Variants in RIPOR1 observed in about 807,000 individuals in gnomAD.
RIPOR1 encodes the protein RHO family interacting cell polarization regulator 1, also known as rho family-interacting cell polarization regulator 1.
A neutral mutation model predicts 116.5 loss-of-function variants in RIPOR1; 58 were observed. The ratio of observed to expected loss-of-function variants is 0.50; its 90% CI spans 0.40 to 0.62. The LOEUF (loss-of-function observed/expected upper bound fraction) is 0.62, where lower values mean the gene tolerates loss of function less well. Ranked by LOEUF, RIPOR1 falls within the 20% of genes least tolerant of loss-of-function variation. The pLI is 0.00. For synonymous variants in RIPOR1, 605 were observed against 650.0 expected (o/e 0.93, Z 1.05); for missense variants, 1,372 against 1,586.2 (o/e 0.86, Z 2.29).
chr16:67,545,368 T>C lies in RIPOR1; in HGVS notation c.3032-8T>C. On this transcript the variant is annotated splice_region_variant and splice_polypyrimidine_tract_variant and intron_variant, in intron 17 of 21. Coordinates refer to ENST00000042381, the MANE Select transcript of RIPOR1 (RefSeq NM_024519.4). This position sits in a 1 kb window ranked among gnomAD's most constrained non-coding sequence, Gnocchi z 4.8. ...AAACTCTGAGGCCCATGCTACTGCC[T>C]CCTGCAGTGTGTGTGAAGTTCCTGG... 1 of 1,613,442 alleles carries C rather than the reference T, an allele frequency of 6.2e-7. No homozygotes were observed. The highest frequency in any genetic ancestry group is 8.5e-7 in the Non-Finnish European group (1 of 1,179,734).
In RIPOR1 at chr16:67,529,193, G is replaced by A. The variant is rs1597616680; in HGVS notation, c.-24+279G>A. Among the ~76,000 whole-genome samples the A allele has an allele frequency of 6.6e-6, 1 of 152,334 alleles. No homozygotes were observed. The highest frequency in any genetic ancestry group is 1.9e-4 in the East Asian group (1 of 5,170). ...AGGCCCTGGCGGCCGGTGCCCCGGG[G>A]CGCTGGGATGGGCCAGGCCAGAGAG... On this transcript the variant is annotated intron_variant, in intron 1 of 21. Transcript: ENST00000042381. The surrounding 1 kb of genome is among the most constrained non-coding windows in gnomAD (Gnocchi z 4.1).
intron 1 of RIPOR1, among the ~76,000 whole-genome samples, chr16:67,536,239 G>T (rs1188596165): frequency 6.6e-6 from 1 of 152,206 alleles, no homozygotes. Flanking sequence ...CTTGAGGTCA[G>T]GGGTTCAAGA....
At chr16:67,534,540 A>G (rs749378841) in intron 1 of RIPOR1, among the ~76,000 whole-genome samples, 7 of 152,240 alleles carry the variant, frequency 4.6e-5, no homozygotes, top group Non-Finnish European at 1.0e-4. Context: ...ATATAGAATC[A>G]GGAAATTTAA....
At chr16:67,534,851 T>C (rs2050754056) in intron 1 of RIPOR1, among the ~76,000 whole-genome samples, 1 of 141,848 alleles carries the variant, frequency 7.0e-6, no homozygotes, top group East Asian at 2.0e-4. Context: ...TTTTTTTTTT[T>C]TTTTTTTTTG....
chr16:67,537,645 G>A lies in RIPOR1; in HGVS notation c.-23-779G>A. 6 of 1,295,702 alleles carry A rather than the reference G, an allele frequency of 4.6e-6. No homozygotes were observed. The highest frequency in any genetic ancestry group is 3.1e-5 in the East Asian group (1 of 32,586). 80.3% of individuals were successfully genotyped at this position (1,295,702 alleles called of 1,614,324 possible). Reference sequence around the variant, plus strand: ...GAAAGCTCAGGGACTGGCCCCAGGGGAAGCAGGCCGGGTTTGGGGGCCAGG... The same window carrying A: ...GAAAGCTCAGGGACTGGCCCCAGGGAAAGCAGGCCGGGTTTGGGGGCCAGG... On this transcript the variant is annotated intron_variant, in intron 1 of 21. Transcript: ENST00000042381. The surrounding 1 kb of genome is among the most constrained non-coding windows in gnomAD (Gnocchi z 4.6).
In RIPOR1 at chr16:67,537,418, G is replaced by A. The variant is rs373293809; in HGVS notation, c.-23-1006G>A. On this transcript the variant is annotated intron_variant, in intron 1 of 21. Coordinates refer to ENST00000042381, the MANE Select transcript of RIPOR1 (RefSeq NM_024519.4). The surrounding 1 kb of genome is among the most constrained non-coding windows in gnomAD (Gnocchi z 4.6). ...GTCCCGCCCCATCCAGGCGGGCTGA[G>A]TCAGGCGGCAGGAACTGGGCGGGGG... The A allele has an allele frequency of 2.4e-6, 3 of 1,240,064 alleles. No individual in the cohort carries two copies. Among genetic ancestry groups the A allele is most frequent in the Non-Finnish European group, 3.0e-6 (3 of 991,638 alleles). The allele number at this position is 1,240,064 out of a possible 1,614,324, so 76.8% of individuals were successfully genotyped here.
rs781526223 is a variant in RIPOR1 at position 67,538,760 on chromosome 16, G to C, written c.193G>C (p.Ala65Pro). The change falls in exon 3 of 22, where the codon GCC (alanine) becomes CCC (proline). Residue 65 changes from alanine to proline, a missense_variant. Ala to Pro is a conservative substitution (Grantham distance 27). Transcript: ENST00000042381. ...VSRMFSVAHP[A>P]AKVPQPERLD... ...CAGGATGTTTTCCGTGGCTCACCCA[G>C]CCGCCAAGGTGCCGCAGCCCGAGCG... is the stretch of plus-strand genomic sequence containing the variant. The C allele has an allele frequency of 6.2e-7, 1 of 1,613,430 alleles. No individual in the cohort carries two copies. The highest frequency in any genetic ancestry group is 8.5e-7 in the Non-Finnish European group (1 of 1,179,970).
rs2050998661 is a variant in RIPOR1, at chr16:67,541,899, T to TG, written c.1116dup (p.Thr373AspfsTer8). Reference sequence around the variant, plus strand: ...TGCGACGGCAGGAGGAGCTGGAGAATGGGACAGCATGGTCCCTGTCATCTG... The same window carrying TG: ...TGCGACGGCAGGAGGAGCTGGAGAATGGGGACAGCATGGTCCCTGTCATCTG... On this transcript the variant is annotated frameshift_variant, in exon 13 of 22. Transcript: ENST00000042381. LOFTEE classifies it high-confidence loss of function. The surrounding 1 kb of genome is among the most constrained non-coding windows in gnomAD (Gnocchi z 4.6). The TG allele has an allele frequency of 6.2e-7, 1 of 1,610,112 alleles. No individual in the cohort carries two copies. Among genetic ancestry groups the TG allele is most frequent in the African/African-American group, 1.3e-5 (1 of 74,818 alleles).
At position 67,530,368 on chromosome 16, in the gene RIPOR1, G is replaced by A. The variant is rs1385985108; in HGVS notation, c.-24+1454G>A. ...CCCGGTTCCGGGGTGGGGGGTCCGGGGCTGTGCCGCTCCCCCTCCCTCCTA... is the reference window on the plus strand; with the variant it reads ...CCCGGTTCCGGGGTGGGGGGTCCGGAGCTGTGCCGCTCCCCCTCCCTCCTA... On this transcript the variant is annotated intron_variant, in intron 1 of 21. Transcript: ENST00000042381. The surrounding 1 kb of genome is among the most constrained non-coding windows in gnomAD (Gnocchi z 4.5). Among the ~76,000 whole-genome samples, 2 of 152,184 alleles carry A rather than the reference G, an allele frequency of 1.3e-5. No homozygotes were observed. The highest frequency in any genetic ancestry group is 6.5e-5 in the Admixed American group (1 of 15,282).
chr16:67,546,166 T>C lies in RIPOR1; in HGVS notation c.3497T>C (p.Val1166Ala), dbSNP rs1462153648. The change falls in exon 21 of 22, where the codon GTG becomes GCG. Residue 1166 changes from valine to alanine, a missense_variant. By Grantham distance (64) the Val-to-Ala change is moderately conservative. This residue lies in a region of RIPOR1 where 1,005 missense variants were observed against 1,144.7 expected (regional missense o/e 0.88). Transcript: ENST00000042381. Reference sequence around the variant, plus strand: ...GCTCCCGAGGGCATTGAGCCCCTGGTGTACCTCTGCCAAACTGACACAGAA... The same window carrying C: ...GCTCCCGAGGGCATTGAGCCCCTGGCGTACCTCTGCCAAACTGACACAGAA... Reference protein sequence around the residue: ...IKAPEGIEPLVYLCQTDTEAV... With the variant: ...IKAPEGIEPLAYLCQTDTEAV... The C allele has an allele frequency of 1.9e-6, 3 of 1,612,300 alleles. No individual in the cohort carries two copies. Among genetic ancestry groups the C allele is most frequent in the East Asian group, 4.5e-5 (2 of 44,710 alleles).
In RIPOR1 at chr16:67,545,323, T is replaced by C; in HGVS notation, c.3032-53T>C. ...GCCTGGGATAGGAGCATCTCTCCCC[T>C]CTAAAAGCTGTGTTCACCCAAACTC... On this transcript the variant is annotated intron_variant, in intron 17 of 21. Transcript: ENST00000042381. This position sits in a 1 kb window ranked among gnomAD's most constrained non-coding sequence, Gnocchi z 4.8. 18 of 1,589,410 alleles carry C rather than the reference T, an allele frequency of 1.1e-5. No homozygotes were observed. The highest frequency in any genetic ancestry group is 1.5e-5 in the Non-Finnish European group (18 of 1,166,068).
At chr16:67,524,565 C>T (rs117488946), upstream of RIPOR1, among the ~76,000 whole-genome samples, 197 of 152,294 alleles carry the variant, frequency 1.3e-3, 1 homozygote, top group Non-Finnish European at 2.5e-3. Flanking sequence ...TCCCTAGATC[C>T]CTCAGATGCC....
At chr16:67,528,064 CA>C (rs2050561796), upstream of RIPOR1, among the ~76,000 whole-genome samples, 1 of 151,970 alleles carries the variant, frequency 6.6e-6, no homozygotes, top group Non-Finnish European at 1.5e-5. Context: ...TTGGAAGGGC[CA>C]GGGGTGTCTG....
intron 1 of RIPOR1, among the ~76,000 whole-genome samples, chr16:67,520,856 T>A (rs548951686): frequency 6.6e-6 from 1 of 150,878 alleles, no homozygotes; most frequent in East Asian, 1.9e-4. Context: ...AGGAGCTCAC[T>A]GAGGGGCATG....
Position 67,538,532 on chromosome 16 carries a change from G to T in RIPOR1, c.86G>T (p.Ser29Ile), listed in dbSNP as rs968617667. ...RSQSFAGVLGSHERGPRSFPV... is the reference protein window; with the variant it reads ...RSQSFAGVLGIHERGPRSFPV... ...CAGTCCTTCGCAGGCGTCCTCGGCA[G>T]CCACGAGCGGGGGCCCAGGTACGCG... is the stretch of plus-strand genomic sequence containing the variant. Residue 29 changes from serine (S) to isoleucine (I), a missense_variant, in exon 2 of 22, where the codon AGC becomes ATC. This residue lies in a region of RIPOR1 where 165 missense variants were observed against 145.5 expected (regional missense o/e 1.13). Transcript: ENST00000042381. The T allele has an allele frequency of 8.2e-5, 132 of 1,612,206 alleles. No individual in the cohort carries two copies. The highest frequency in any genetic ancestry group is 1.1e-4 in the Non-Finnish European group (127 of 1,179,414).
In RIPOR1 at chr16:67,537,485, A is replaced by T; in HGVS notation, c.-23-939A>T. ...CCGAAGCCGAGCCAGAGCCGCTGGG[A>T]GCGAGCCCGGAGCCCAGCCGGGCGG... On this transcript the variant is annotated intron_variant, in intron 1 of 21. Coordinates refer to ENST00000042381, the MANE Select transcript of RIPOR1 (RefSeq NM_024519.4). This position sits in a 1 kb window ranked among gnomAD's most constrained non-coding sequence, Gnocchi z 4.6. 8.0e-7 allele frequency: 1 copy of T among 1,256,498 alleles called. No individual in the cohort carries two copies. The highest frequency in any genetic ancestry group is 1.0e-6 in the Non-Finnish European group (1 of 999,440). The allele number at this position is 1,256,498 out of a possible 1,614,324, so 77.8% of individuals were successfully genotyped here.
intron 1 of RIPOR1, among the ~76,000 whole-genome samples, chr16:67,533,685 C>T (rs887964671): frequency 6.6e-6 from 1 of 151,602 alleles, no homozygotes; most frequent in Non-Finnish European, 1.5e-5. Flanking sequence ...GAGGAGCAGG[C>T]GGGTGTAGTG....
upstream of RIPOR1, among the ~76,000 whole-genome samples, chr16:67,526,508 A>T (rs2050541226): frequency 6.6e-6 from 1 of 152,244 alleles, no homozygotes; most frequent in African/African-American, 2.4e-5. Context: ...AGGACTGGGC[A>T]GCTAAAGGAA....
chr16:67,528,009 G>A (rs1300145115), upstream of RIPOR1, among the ~76,000 whole-genome samples: 7 of 152,102 alleles, frequency 4.6e-5, no homozygotes. Context: ...CATACATGAG[G>A]GCTGCGGGAG....
Sources: allele counts gnomAD v4.1 joint callset (sites outside exome capture counted in the v4.1 genomes callset), GRCh38; gene constraint gnomAD v4.1.1; regional missense constraint gnomAD v4.1.1; non-coding constraint Gnocchi (gnomAD v3.1); transcripts MANE v1.5; gene names NCBI Gene and HGNC (gene_info 2026-07-23, HGNC 2026-07-21).